PARD6G: variants seen among roughly 807,000 people sequenced by gnomAD.
PARD6G encodes partitioning defective 6 homolog gamma.
PARD6G carries 7 observed loss-of-function variants against 10.7 expected under a neutral mutation model. That is an observed-to-expected ratio of 0.66 (90% CI 0.37 to 1.23). The LOEUF (loss-of-function observed/expected upper bound fraction) is 1.23, where lower values mean the gene tolerates loss of function less well. Ranked by LOEUF, PARD6G falls within the 50% of genes most tolerant of loss-of-function variation. The probability of loss-of-function intolerance (pLI) is 0.02; values close to 1 mark genes in which losing one functional copy is unlikely to be tolerated. For missense variants in PARD6G, 548 were observed against 571.8 expected (o/e 0.96, Z 0.42); for synonymous variants, 287 against 269.4 (o/e 1.07, Z -0.64).
At chr18:80,233,768 G>C (rs564447815) in intron 1 of PARD6G, among the ~76,000 whole-genome samples, 1 of 152,140 alleles carries the variant, frequency 6.6e-6, no homozygotes, top group Non-Finnish European at 1.5e-5. Flanking sequence ...ATGCACAGGC[G>C]TACTGTCCAT....
intron 1 of PARD6G, among the ~76,000 whole-genome samples, chr18:80,220,201 A>G (rs890522880): frequency 9.8e-5 from 15 of 152,310 alleles, no homozygotes; most frequent in African/African-American, 3.6e-4. Context: ...AAGTTGGGGG[A>G]AAGCCCCCTT....
chr18:80,193,957 G>T (rs1244332707), intron 2 of PARD6G, among the ~76,000 whole-genome samples: 6 of 152,180 alleles, frequency 3.9e-5, no homozygotes, highest in African/African-American at 1.2e-4. Flanking sequence ...GTGACCTCCA[G>T]GCTGAATCAT....
intron 1 of PARD6G, among the ~76,000 whole-genome samples, chr18:80,243,904 T>A (rs1011677609): frequency 6.6e-6 from 1 of 152,114 alleles, no homozygotes; most frequent in Non-Finnish European, 1.5e-5. Context: ...CTGAAGGAAC[T>A]CGGGGCTCTG....
chr18:80,160,222 T>C lies in PARD6G; in HGVS notation c.680A>G (p.Lys227Arg). ...CATGTCCGTGACCTGGTCCAGCGTC[T>C]TCCCGGCCACCTCAATGCCGTTCAC... ...LEVNGIEVAG[K>R]TLDQVTDMMI... Residue 227 changes from lysine (K) to arginine (R), a missense_variant, in exon 3 of 3, where the codon AAG becomes AGG. This residue lies in a region of PARD6G where 313 missense variants were observed against 279.9 expected (regional missense o/e 1.12). Coordinates refer to ENST00000353265, the MANE Select transcript of PARD6G (RefSeq NM_032510.4). 1 of 1,613,218 alleles carries C rather than the reference T, an allele frequency of 6.2e-7. No individual in the cohort carries two copies. The highest frequency in any genetic ancestry group is 8.5e-7 in the Non-Finnish European group (1 of 1,179,846).
intron 2 of PARD6G, among the ~76,000 whole-genome samples, chr18:80,193,977 G>A (rs950950040): frequency 1.3e-5 from 2 of 152,208 alleles, no homozygotes; most frequent in Non-Finnish European, 2.9e-5. Flanking sequence ...TTTTCCAACA[G>A]GAGGGGATGG....
At chr18:80,224,336 A>G (rs557038321) in intron 1 of PARD6G, among the ~76,000 whole-genome samples, 75 of 152,224 alleles carry the variant, frequency 4.9e-4, no homozygotes, top group Non-Finnish European at 9.7e-4. Context: ...GAATGACTCT[A>G]GAAGGTATGA....
chr18:80,175,237 T>C lies in PARD6G; in HGVS notation c.296-14631A>G, dbSNP rs2052801644. 6.6e-6 allele frequency among the ~76,000 whole-genome samples: 1 copy of C among 152,198 alleles called. No individual in the cohort carries two copies. The highest frequency in any genetic ancestry group is 1.5e-5 in the Non-Finnish European group (1 of 68,042). On this transcript the variant is annotated intron_variant, in intron 2 of 2. Coordinates refer to ENST00000353265, the MANE Select transcript of PARD6G (RefSeq NM_032510.4). This position sits in a 1 kb window ranked among gnomAD's most constrained non-coding sequence, Gnocchi z 6.7. Reference sequence around the variant, plus strand: ...TTGTTTTGCTGCAGAAGTGTGAACATAATGTGTGTCTTAGCTCCAGCGGCC... The same window carrying C: ...TTGTTTTGCTGCAGAAGTGTGAACACAATGTGTGTCTTAGCTCCAGCGGCC...
intron 1 of PARD6G, among the ~76,000 whole-genome samples, chr18:80,214,333 G>A (rs1967139722): frequency 6.6e-6 from 1 of 151,980 alleles, no homozygotes; most frequent in Admixed American, 6.6e-5. Context: ...GGTGTGGGGG[G>A]TGAGCGCCTG....
At chr18:80,204,268 G>C (rs962013023) in intron 1 of PARD6G, among the ~76,000 whole-genome samples, 2 of 152,172 alleles carry the variant, frequency 1.3e-5, no homozygotes, top group African/African-American at 4.8e-5. Flanking sequence ...GACATTGTAT[G>C]AATGAGTCAG....
chr18:80,205,593 T>C (rs1230062967), intron 1 of PARD6G, among the ~76,000 whole-genome samples: 2 of 152,166 alleles, frequency 1.3e-5, no homozygotes, highest in Non-Finnish European at 2.9e-5. Context: ...GTTTTAAAAG[T>C]GTGTAGCACC....
At chr18:80,196,479 C>T (rs1282511676) in intron 2 of PARD6G, among the ~76,000 whole-genome samples, 1 of 152,096 alleles carries the variant, frequency 6.6e-6, no homozygotes, top group African/African-American at 2.4e-5. Context: ...TAAAGATAAT[C>T]CAAATTATAA....
intron 1 of PARD6G, among the ~76,000 whole-genome samples, chr18:80,216,142 TAGTTCAACAATAAATGAAC>T (rs1306040564): frequency 3.9e-5 from 6 of 152,100 alleles, no homozygotes; most frequent in South Asian, 2.1e-4. Context: ...GAGAAATAAA[TAGTTCAACAATAAATGAAC>T]AGTTCAACAA....
At position 80,184,319 on chromosome 18, in the gene PARD6G, A is replaced by G. The variant is rs2052862211; in HGVS notation, c.295+18391T>C. ...GCAGTGAATCCAGGTGACCTCACAG[A>G]AACTTGTATGTGAGCATTCGCAGCG... On this transcript the variant is annotated intron_variant, in intron 2 of 2. Coordinates refer to ENST00000353265, the MANE Select transcript of PARD6G (RefSeq NM_032510.4). This position sits in a 1 kb window ranked among gnomAD's most constrained non-coding sequence, Gnocchi z 4.5. 6.6e-6 allele frequency: 1 copy of G among 152,258 alleles called. No homozygotes were observed. The highest frequency in any genetic ancestry group is 2.1e-4 in the South Asian group (1 of 4,838). 9.4% of individuals were successfully genotyped at this position (152,258 alleles called of 1,614,324 possible). A position where few individuals can be genotyped will look rare whatever the true frequency, so the allele number is the denominator to read the frequency against.
intron 1 of PARD6G, among the ~76,000 whole-genome samples, chr18:80,217,774 C>T (rs1302690141): frequency 6.6e-6 from 1 of 152,170 alleles, no homozygotes; most frequent in Non-Finnish European, 1.5e-5. Flanking sequence ...GCTATAAGGA[C>T]ATACCTGAGA....
chr18:80,164,994 C>T (rs1357568304), intron 2 of PARD6G, among the ~76,000 whole-genome samples: 1 of 151,992 alleles, frequency 6.6e-6, no homozygotes, highest in African/African-American at 2.4e-5. Context: ...AGGCAAAGGG[C>T]AAAAGCAGAA....
chr18:80,246,602 G>C lies in PARD6G; in HGVS notation c.72+675C>G, dbSNP rs1276258315. On this transcript the variant is annotated intron_variant, in intron 1 of 2. Coordinates refer to ENST00000353265, the MANE Select transcript of PARD6G (RefSeq NM_032510.4). This position sits in a 1 kb window ranked among gnomAD's most constrained non-coding sequence, Gnocchi z 6.7. ...CTGGGGCGGGGGCGCGTCCGGAGGT[G>C]GGGGAGTCTGGGGTGGGGGCGCGCC... 6.9e-6 allele frequency among the ~76,000 whole-genome samples: 1 copy of C among 144,036 alleles called. No individual in the cohort carries two copies. The highest frequency in any genetic ancestry group is 1.5e-5 in the Non-Finnish European group (1 of 64,870). The allele number at this position is 144,036 out of a possible 152,430, so 94.5% of individuals were successfully genotyped here.
chr18:80,160,662 C>T (rs2052694309), intron 2 of PARD6G, 56 bp from the exon 3 acceptor site: 2 of 1,426,868 alleles, frequency 1.4e-6, no homozygotes, highest in Non-Finnish European at 1.8e-6. Flanking sequence ...CCTGAGCCCT[C>T]GGCCGTCATA....
chr18:80,221,032 T>A (rs990132604), intron 1 of PARD6G, among the ~76,000 whole-genome samples: 4 of 152,162 alleles, frequency 2.6e-5, no homozygotes, highest in African/African-American at 9.7e-5. Context: ...GCAGAAAATC[T>A]GAATAAATTT....
chr18:80,244,207 C>G (rs962655233), intron 1 of PARD6G, among the ~76,000 whole-genome samples: 14 of 152,110 alleles, frequency 9.2e-5, no homozygotes, highest in African/African-American at 3.4e-4. Context: ...GCTCCTCCCT[C>G]CCCACGGCAG....
Sources: allele counts gnomAD v4.1 joint callset (sites outside exome capture counted in the v4.1 genomes callset), GRCh38; gene constraint gnomAD v4.1.1; regional missense constraint gnomAD v4.1.1; non-coding constraint Gnocchi (gnomAD v3.1); transcripts MANE v1.5; gene names NCBI Gene and HGNC (gene_info 2026-07-23, HGNC 2026-07-21).